The following RGL3 variants were observed in gnomAD, a reference collection of about 807,000 sequenced individuals.
RGL3 encodes the protein ral guanine nucleotide dissociation stimulator like 3, also known as ral guanine nucleotide dissociation stimulator-like 3.
Under a neutral mutation model 90.6 loss-of-function variants are expected in RGL3, and 85 were observed. That is an observed-to-expected ratio of 0.94 (90% CI 0.79 to 1.12). The LOEUF (loss-of-function observed/expected upper bound fraction) is 1.12. RGL3 is among the 50% of genes most tolerant of loss of function. The pLI is 0.00. For missense variants in RGL3, 1,034 were observed against 939.2 expected (o/e 1.10, Z -1.32); for synonymous variants, 408 against 385.5 (o/e 1.06, Z -0.68).
Position 11,416,876 on chromosome 19 carries a change from C to T in RGL3, c.331G>A (p.Gly111Ser). ...GGTGGCATTGGTGGCAGCAGAAAGC[C>T]CAGCAGGCAGGCAGTGGGTACAAAG... ...RTFVPTACLL[G>S]FLLPPMPPPP... The change falls in exon 3 of 19, where the codon GGC (glycine) becomes AGC (serine). Residue 111 changes from glycine to serine, a missense_variant. Physicochemically the swap from Gly to Ser is moderately conservative, Grantham distance 56 (BLOSUM62 0). Transcript: ENST00000380456. 1 of 1,613,982 alleles carries T rather than the reference C, an allele frequency of 6.2e-7. No individual in the cohort carries two copies. Among genetic ancestry groups the T allele is most frequent in the Non-Finnish European group, 8.5e-7 (1 of 1,179,970 alleles).
chr19:11,416,502 C>T (rs1181643945), intron 4 of RGL3, 112 bp downstream of exon 4: 10 of 1,054,796 alleles, frequency 9.5e-6, no homozygotes, highest in Admixed American at 1.7e-5. Context: ...CCCCACCTGA[C>T]TCCCAGTCTC....
At position 11,405,219 on chromosome 19, in the gene RGL3, A is replaced by T. The variant is rs368338813; in HGVS notation, c.1113T>A (p.Ser371=). The change falls in exon 9 of 19, where the codon TCT becomes TCA. Residue 371 remains serine, a synonymous_variant. Transcript: ENST00000380456. ...SWGAVSREPL[S]TFRKLSQIFS... is the part of the protein sequence containing the mutation. ...AAATCTGCGAAAGTTTCCTGAAAGT[A>T]GATAGCGGTTCCCTGGAAGGACAGG... 6 of 1,613,982 alleles carry T rather than the reference A, an allele frequency of 3.7e-6. No homozygotes were observed. The African/African-American group carries it at 6.7e-5, about 18-fold the overall frequency.
At chr19:11,398,061 A>G (rs1290913347) in intron 16 of RGL3, among the ~76,000 whole-genome samples, 1 of 152,068 alleles carries the variant, frequency 6.6e-6, no homozygotes, top group Non-Finnish European at 1.5e-5. Flanking sequence ...AAAACATACT[A>G]CTACCCCCTA....
chr19:11,403,066 G>A (rs968037604), intron 9 of RGL3, among the ~76,000 whole-genome samples: 3 of 151,880 alleles, frequency 2.0e-5, no homozygotes, highest in South Asian at 2.1e-4. Context: ...AGGGAGTGTC[G>A]CTCTGTCACC....
Position 11,418,779 on chromosome 19 carries a change from C to T in RGL3, c.39G>A (p.Pro13=). Residue 13 remains proline, a synonymous_variant, in exon 2 of 19, where the codon CCG becomes CCA. Transcript: ENST00000380456. ...CGGTCTCTTCACCCCAGTCCTGCAG[C>T]GGTGCCTGGACGCACAGGCGGACTC... The part of the protein sequence containing the change: ...RTAGKELALA[P]LQDWGEETED... The T allele has an allele frequency of 1.3e-6, 2 of 1,546,846 alleles. No homozygotes were observed. The highest frequency in any genetic ancestry group is 8.7e-7 in the Non-Finnish European group (1 of 1,149,484).
intron 9 of RGL3, among the ~76,000 whole-genome samples, chr19:11,403,270 C>T (rs1168418901): frequency 2.0e-5 from 3 of 150,274 alleles, no homozygotes; most frequent in Non-Finnish European, 3.0e-5. Flanking sequence ...CTCCTGACCT[C>T]GTGATCCGCC....
chr19:11,396,416 C>T (rs1187989125), intron 18 of RGL3, among the ~76,000 whole-genome samples: 3 of 151,060 alleles, frequency 2.0e-5, no homozygotes, highest in African/African-American at 4.9e-5. Context: ...GTGATCCACC[C>T]GCTTTGGCCT....
intron 5 of RGL3, among the ~76,000 whole-genome samples, chr19:11,411,007 A>G (rs1325411325): frequency 2.0e-5 from 3 of 151,834 alleles, no homozygotes; most frequent in African/African-American, 7.3e-5. Flanking sequence ...TTAGGAGTTC[A>G]AGACCAGCCT....
In RGL3 at chr19:11,414,181, CTA is replaced by C. The variant is rs563720162; in HGVS notation, c.637+1754_637+1755del. On this transcript the variant is annotated intron_variant, in intron 5 of 18. Coordinates refer to ENST00000380456, the MANE Select transcript of RGL3 (RefSeq NM_001035223.4). ...TATATATATATATATATATATACAC[CTA>C]TATATATATACCTTTATATATATAT... Among the ~76,000 whole-genome samples, 109 of 28,184 alleles carry C rather than the reference CTA, an allele frequency of 3.9e-3. 1 individual carries two copies. Among genetic ancestry groups the C allele is most frequent in the African/African-American group, 0.011 (80 of 7,022 alleles). 18.5% of individuals were successfully genotyped at this position (28,184 alleles called of 152,430 possible). A position where few individuals can be genotyped will look rare whatever the true frequency, so the allele number is the denominator to read the frequency against.
intron 5 of RGL3, among the ~76,000 whole-genome samples, chr19:11,408,599 A>AG (rs201020037): frequency 0.011 from 1,722 of 151,892 alleles, 17 homozygotes; most frequent in Non-Finnish European, 0.019. Flanking sequence ...AAAAAAAAAA[A>AG]GATCATGCTA....
intron 13 of RGL3, among the ~76,000 whole-genome samples, chr19:11,401,744 G>A (rs1243359359): frequency 6.6e-6 from 1 of 151,790 alleles, no homozygotes; most frequent in African/African-American, 2.4e-5. Flanking sequence ...ATGGGGTTTC[G>A]CCATGTTGCC....
intron 5 of RGL3, among the ~76,000 whole-genome samples, chr19:11,408,584 CAAA>C (rs369314749): frequency 8.2e-6 from 1 of 121,518 alleles, no homozygotes; most frequent in Admixed American, 8.7e-5. Flanking sequence ...GACTCCATCT[CAAA>C]AAAAAAAAAA....
Position 11,416,992 on chromosome 19 carries a change from G to A in RGL3, c.215C>T (p.Ala72Val), listed in dbSNP as rs779427341. Residue 72 changes from alanine to valine, a missense_variant, in exon 3 of 19, where the codon GCG (alanine) becomes GTG (valine). Physicochemically the swap from Ala to Val is moderately conservative, Grantham distance 64. Coordinates refer to ENST00000380456, the MANE Select transcript of RGL3 (RefSeq NM_001035223.4). Reference protein sequence around the residue: ...RTSKVRVLRAARLERLVGELV... With the variant: ...RTSKVRVLRAVRLERLVGELV... ...CTCTCCCACCAGCCGCTCCAGGCGCGCTGCCCTCAGCACCCTCACCTTGCT... is the reference window on the plus strand; with the variant it reads ...CTCTCCCACCAGCCGCTCCAGGCGCACTGCCCTCAGCACCCTCACCTTGCT... 1.9e-5 allele frequency: 31 copies of A among 1,613,766 alleles called. No individual in the cohort carries two copies. In the Admixed American group the frequency reaches 2.7e-4, roughly 14 times the overall value.
intron 7 of RGL3, 90 bp downstream of exon 7, chr19:11,406,329 A>T: frequency 7.8e-7 from 1 of 1,273,956 alleles, no homozygotes; most frequent in Non-Finnish European, 1.1e-6. Context: ...TCCCTCGCCT[A>T]GACTCGCCCC....
intron 1 of RGL3, 113 bp from the exon 2 acceptor site, chr19:11,418,897 C>A (rs1398432587): frequency 3.5e-6 from 3 of 856,426 alleles, no homozygotes; most frequent in Non-Finnish European, 3.5e-6. Flanking sequence ...ACGCCCCTTC[C>A]CGGCCAGAAG....
chr19:11,414,464 CAT>C (rs1226288918), intron 5 of RGL3, among the ~76,000 whole-genome samples: 3,976 of 43,116 alleles, frequency 0.092, 240 homozygotes, highest in Non-Finnish European at 0.12. Context: ...TATATACCTT[CAT>C]ATATATATAT....
In RGL3 at chr19:11,405,494, C is replaced by T. The variant is rs1381408713; in HGVS notation, c.997-68G>A. On this transcript the variant is annotated intron_variant, in intron 7 of 18. Transcript: ENST00000380456. ...ACCTTTCATCCTGAAACTTCTTCAT[C>T]TTTTTTTTTTTTTTTTTTTTTTTTT... The T allele has an allele frequency of 2.2e-3, 353 of 163,900 alleles. 2 individuals carry two copies. The highest frequency in any genetic ancestry group is 4.4e-3 in the South Asian group (92 of 21,008). 10.2% of individuals were successfully genotyped at this position (163,900 alleles called of 1,614,324 possible).
At chr19:11,407,836 G>A (rs1968809049) in intron 5 of RGL3, among the ~76,000 whole-genome samples, 1 of 151,302 alleles carries the variant, frequency 6.6e-6, no homozygotes, top group African/African-American at 2.4e-5. Flanking sequence ...ACAGGCACGA[G>A]CCACCACGCC....
At chr19:11,412,436 A>C (rs1346584393) in intron 5 of RGL3, among the ~76,000 whole-genome samples, 1 of 152,156 alleles carries the variant, frequency 6.6e-6, no homozygotes, top group East Asian at 1.9e-4. Flanking sequence ...TGGATGTCTG[A>C]ATGTTCTTCA....
Sources: allele counts gnomAD v4.1 joint callset (sites outside exome capture counted in the v4.1 genomes callset), GRCh38; gene constraint gnomAD v4.1.1; transcripts MANE v1.5; gene names NCBI Gene and HGNC (gene_info 2026-07-23, HGNC 2026-07-21).